PSMG2: variants seen among roughly 807,000 people sequenced by gnomAD.
The protein encoded by PSMG2 is proteasome assembly chaperone 2.
PSMG2 carries 21 observed loss-of-function variants against 31.5 expected under a neutral mutation model. The observed-to-expected ratio is 0.67, with a 90% CI of 0.47 to 0.96. The LOEUF is 0.96. Among genes scored for constraint, PSMG2 ranks in the 40% least tolerant of loss-of-function variants. The probability of loss-of-function intolerance (pLI) is 0.00; values close to 1 mark genes in which losing one functional copy is unlikely to be tolerated. For missense variants in PSMG2, 318 were observed against 321.2 expected, an observed-to-expected ratio of 0.99 and a Z score of 0.08; for synonymous variants, 120 against 110.4, an observed-to-expected ratio of 1.09 and a Z score of -0.54.
At chr18:12,689,358 T>C (rs1182708413) in intron 1 of PSMG2, among the ~76,000 whole-genome samples, 1 of 152,154 alleles carries the variant, frequency 6.6e-6, no homozygotes, top group Non-Finnish European at 1.5e-5. Flanking sequence ...AGAGGTGGCA[T>C]AAACCAAAAA....
intron 1 of PSMG2, among the ~76,000 whole-genome samples, chr18:12,671,928 C>A (rs556257823): frequency 6.6e-6 from 1 of 152,206 alleles, no homozygotes; most frequent in African/African-American, 2.4e-5. Context: ...TCAAGCGATT[C>A]TCCTGCCTCA....
upstream of PSMG2, chr18:12,702,417 G>A (rs2040191070): frequency 8.8e-6 from 11 of 1,254,512 alleles, no homozygotes; most frequent in Admixed American, 2.0e-4. Flanking sequence ...TGTCGGCCCG[G>A]GGCCGCCGGG....
intron 1 of PSMG2, among the ~76,000 whole-genome samples, chr18:12,681,256 ATTTTT>A (rs34816720): frequency 1.7e-5 from 2 of 115,382 alleles, no homozygotes; most frequent in Admixed American, 9.5e-5. Flanking sequence ...AAAGTAGAAC[ATTTTT>A]TTTTTTTTTT....
Position 12,660,730 on chromosome 18 carries a change from A to AGTTGC in PSMG2, c.-37+1957_-37+1958insGTTGC, listed in dbSNP as rs556757716. ...GGGAGACATTACTGCACTGTATCAC[A>AGTTGC]AGACAGTTATATCCAACAGAAGGGC... is the stretch of plus-strand genomic sequence containing the variant. On this transcript the variant is annotated intron_variant, in intron 1 of 6. Coordinates refer to the PSMG2 transcript ENST00000585331. 2.7e-4 allele frequency among the ~76,000 whole-genome samples: 41 copies of AGTTGC among 150,430 alleles called. 1 individual carries two copies. The South Asian group carries it at 8.5e-3, about 31-fold the overall frequency.
At chr18:12,718,703 GTTAAAC>G in intron 4 of PSMG2, 68 bp downstream of exon 4, 2 of 1,243,714 alleles carry the variant, frequency 1.6e-6, no homozygotes, top group East Asian at 2.4e-5. Flanking sequence ...CTATTAAAAA[GTTAAAC>G]TTTAAAAGCC....
At chr18:12,693,930 C>G (rs955824591) in intron 1 of PSMG2, among the ~76,000 whole-genome samples, 1 of 152,124 alleles carries the variant, frequency 6.6e-6, no homozygotes, top group Non-Finnish European at 1.5e-5. Flanking sequence ...ATTCCTGGGT[C>G]AAGCAATCCT....
chr18:12,667,847 CCTTTT>C (rs2038836562), intron 1 of PSMG2, among the ~76,000 whole-genome samples: 2 of 122,492 alleles, frequency 1.6e-5, no homozygotes, highest in African/African-American at 5.9e-5. Context: ...GCTTTCTGAT[CCTTTT>C]TTTTTTTTTT....
intron 5 of PSMG2, among the ~76,000 whole-genome samples, chr18:12,723,163 G>A (rs1184705472): frequency 6.6e-6 from 1 of 152,140 alleles, no homozygotes; most frequent in Non-Finnish European, 1.5e-5. Flanking sequence ...TCCTTCCTTA[G>A]AACTCGGCTC....
intron 4 of PSMG2, among the ~76,000 whole-genome samples, chr18:12,719,414 G>A (rs1271298584): frequency 6.6e-6 from 1 of 152,242 alleles, no homozygotes; most frequent in Middle Eastern, 3.4e-3. Context: ...TTGAGACGGA[G>A]TCTTGCCCTG....
At chr18:12,699,757 T>C (rs2040086998), upstream of PSMG2, 1 of 838,202 alleles carries the variant, frequency 1.2e-6, no homozygotes, top group East Asian at 2.9e-5. Context: ...ATGTCTTCTA[T>C]CAAATACGAA....
chr18:12,669,413 C>G (rs1428513960), intron 1 of PSMG2, among the ~76,000 whole-genome samples: 1 of 151,794 alleles, frequency 6.6e-6, no homozygotes, highest in Non-Finnish European at 1.5e-5. Flanking sequence ...CGCCTGGCCC[C>G]AATTTTTTTT....
rs142532867 is a variant in PSMG2 at position 12,722,882 on chromosome 18, A to G, written c.582-1617A>G. ...AAGTTAGAGCCTTGAAAATGCAAGC[A>G]CAGCCTCGGAGCCAGCCTTCTCCAG... On this transcript the variant is annotated intron_variant, in intron 5 of 6. Coordinates refer to ENST00000317615, the MANE Select transcript of PSMG2 (RefSeq NM_020232.5). Among the ~76,000 whole-genome samples the G allele has an allele frequency of 1.1e-3, 174 of 152,334 alleles. 1 individual carries two copies. Among genetic ancestry groups the G allele is most frequent in the East Asian group, 7.1e-3 (37 of 5,176 alleles).
intron 5 of PSMG2, 36 bp from the exon 6 acceptor site, chr18:12,724,463 T>C: frequency 6.4e-7 from 1 of 1,561,488 alleles, no homozygotes; most frequent in East Asian, 2.3e-5. Flanking sequence ...TTGTACCCTA[T>C]GAAAGAATAC....
chr18:12,683,693 G>C (rs1237304556), intron 1 of PSMG2, among the ~76,000 whole-genome samples: 1 of 151,752 alleles, frequency 6.6e-6, no homozygotes, highest in Non-Finnish European at 1.5e-5. Flanking sequence ...GGAGGTTGCA[G>C]TGGGCCGAGA....
intron 6 of PSMG2, among the ~76,000 whole-genome samples, chr18:12,725,189 C>T (rs1278211726): frequency 6.6e-6 from 1 of 151,944 alleles, no homozygotes; most frequent in South Asian, 2.1e-4. Flanking sequence ...AATCCCTATT[C>T]TTTTTGAATG....
chr18:12,699,227 G>A (rs1461768737), upstream of PSMG2: 14 of 1,462,494 alleles, frequency 9.6e-6, no homozygotes, highest in Middle Eastern at 1.8e-4. Flanking sequence ...CAATATATAT[G>A]AGGAAACTGC....
chr18:12,680,608 A>C lies in PSMG2; in HGVS notation c.-37+21835A>C, dbSNP rs1019032428. 73 of 1,384,714 alleles carry C rather than the reference A, an allele frequency of 5.3e-5. 2 individuals carry two copies. Among genetic ancestry groups the C allele is most frequent in the Non-Finnish European group, 6.5e-5 (67 of 1,023,970 alleles). The allele number at this position is 1,384,714 out of a possible 1,614,324, so 85.8% of individuals were successfully genotyped here. A position where few individuals can be genotyped will look rare whatever the true frequency, so the allele number is the denominator to read the frequency against. Reference sequence around the variant, plus strand: ...CGAGACTCCATCTCAAAAAAAAAAAAAAAAAAAAACTTATAACTTCATTTT... The same window carrying C: ...CGAGACTCCATCTCAAAAAAAAAAACAAAAAAAAACTTATAACTTCATTTT... On this transcript the variant is annotated intron_variant, in intron 1 of 6. Transcript: ENST00000585331.
At chr18:12,702,467 C>CA, upstream of PSMG2, 1 of 1,590,876 alleles carries the variant, frequency 6.3e-7, no homozygotes, top group Non-Finnish European at 8.6e-7. Context: ...CGGTCTCTCC[C>CA]AGCACCCGCG....
intron 2 of PSMG2, among the ~76,000 whole-genome samples, chr18:12,711,220 CGA>C (rs2040327557): frequency 6.6e-6 from 1 of 151,974 alleles, no homozygotes; most frequent in Admixed American, 6.6e-5. Flanking sequence ...TGGAGTGAGC[CGA>C]TATCGCACCA....
Sources: gnomAD v4.1 joint callset for allele counts (sites outside exome capture counted in the v4.1 genomes callset) on GRCh38, gnomAD v4.1.1 for gene constraint, MANE v1.5 for transcripts, NCBI Gene and HGNC (gene_info 2026-07-23, HGNC 2026-07-21) for gene names.